The following GRIK3 variants were observed in gnomAD, a reference collection of about 807,000 sequenced individuals.
GRIK3 encodes glutamate ionotropic receptor kainate type subunit 3, also known as glutamate receptor ionotropic, kainate 3.
Under a neutral mutation model 102.5 loss-of-function variants are expected in GRIK3, and 29 were observed. That is an observed-to-expected ratio of 0.28 (90% CI 0.21 to 0.39). The LOEUF (loss-of-function observed/expected upper bound fraction) is 0.39, where lower values mean the gene tolerates loss of function less well. Among genes scored for constraint, GRIK3 ranks in the 10% least tolerant of loss-of-function variants. The pLI is 1.00. For missense variants in GRIK3, 908 were observed against 1,252.4 expected (o/e 0.73, Z 4.15); for synonymous variants, 511 against 504.9 (o/e 1.01, Z -0.16).
intron 13 of GRIK3, among the ~76,000 whole-genome samples, chr1:36,807,075 G>A (rs1642509707): frequency 6.6e-6 from 1 of 152,142 alleles, no homozygotes; most frequent in East Asian, 1.9e-4. Flanking sequence ...AAAAGTAAGG[G>A]CAGTCAGGGT....
At chr1:37,005,911 G>A (rs1286128687) in intron 1 of GRIK3, among the ~76,000 whole-genome samples, 3 of 152,128 alleles carry the variant, frequency 2.0e-5, no homozygotes, top group Non-Finnish European at 2.9e-5. Context: ...TGAGAAGGCT[G>A]GACTTCATCT....
chr1:36,901,717 C>T (rs1431865899), intron 1 of GRIK3, among the ~76,000 whole-genome samples: 1 of 152,048 alleles, frequency 6.6e-6, no homozygotes, highest in Non-Finnish European at 1.5e-5. Context: ...GAAGTCCTAG[C>T]AAATGCAATA....
chr1:36,950,006 C>A (rs1185645082), intron 1 of GRIK3, among the ~76,000 whole-genome samples: 1 of 152,212 alleles, frequency 6.6e-6, no homozygotes, highest in African/African-American at 2.4e-5. Flanking sequence ...TCCAGGCCAC[C>A]TGGCTCTAGA....
At chr1:36,890,787 C>T (rs1641104218) in intron 2 of GRIK3, 133 bp downstream of exon 2, 3 of 628,436 alleles carry the variant, frequency 4.8e-6, no homozygotes, top group Non-Finnish European at 7.9e-6. Context: ...AGTCTGGCTC[C>T]AAGCCCAAAC....
rs1261895716 is a variant in GRIK3, at chr1:36,819,704, T to C, written c.1873+32A>G. Reference sequence around the variant, plus strand: ...AAGACCGCTTGGGGAAAGCAGACCCTGGAAGGGGAGGCCCTGGGAGAGGGT... The same window carrying C: ...AAGACCGCTTGGGGAAAGCAGACCCCGGAAGGGGAGGCCCTGGGAGAGGGT... On this transcript the variant is annotated intron_variant, in intron 12 of 15. Coordinates refer to ENST00000373091, the MANE Select transcript of GRIK3 (RefSeq NM_000831.4). The surrounding 1 kb of genome is among the most constrained non-coding windows in gnomAD (Gnocchi z 4.1). 1.7e-6 allele frequency: 2 copies of C among 1,147,908 alleles called. No individual in the cohort carries two copies. The highest frequency in any genetic ancestry group is 1.9e-4 in the Middle Eastern group (1 of 5,168). 71.1% of individuals were successfully genotyped at this position (1,147,908 alleles called of 1,614,324 possible).
chr1:36,911,004 G>A (rs1441167721), intron 1 of GRIK3, among the ~76,000 whole-genome samples: 1 of 152,168 alleles, frequency 6.6e-6, no homozygotes, highest in Non-Finnish European at 1.5e-5. Flanking sequence ...GTCTTCATGG[G>A]GGAGGCAGCA....
intron 10 of GRIK3, among the ~76,000 whole-genome samples, chr1:36,838,962 C>T (rs1304655021): frequency 6.6e-6 from 1 of 152,140 alleles, no homozygotes; most frequent in Non-Finnish European, 1.5e-5. Context: ...CCCAAAGCAC[C>T]GCCTGGCTGC....
chr1:36,817,687 C>G (rs1253075518), intron 12 of GRIK3, among the ~76,000 whole-genome samples: 1 of 152,184 alleles, frequency 6.6e-6, no homozygotes, highest in Non-Finnish European at 1.5e-5. Flanking sequence ...ACCTGGGAGT[C>G]AGGACCCTTG....
intron 11 of GRIK3, among the ~76,000 whole-genome samples, chr1:36,824,126 C>G (rs1304659544): frequency 1.3e-5 from 2 of 152,104 alleles, no homozygotes; most frequent in African/African-American, 4.8e-5. Flanking sequence ...AGTCTCCCAG[C>G]CTAACCTTGG....
At chr1:36,845,694 C>T (rs1421790006) in intron 9 of GRIK3, among the ~76,000 whole-genome samples, 1 of 152,174 alleles carries the variant, frequency 6.6e-6, no homozygotes, top group Non-Finnish European at 1.5e-5. Context: ...TCTGCCTAGC[C>T]CTTCTCAGAC....
intron 1 of GRIK3, among the ~76,000 whole-genome samples, chr1:36,997,643 G>A (rs1244918990): frequency 2.0e-5 from 3 of 152,164 alleles, no homozygotes; most frequent in Non-Finnish European, 4.4e-5. Flanking sequence ...GGAAAGTGAG[G>A]GTGGCCAGGC....
rs1259533450 is a variant in GRIK3, at chr1:37,034,242, G to A, written c.-134C>T. On this transcript the variant is annotated 5_prime_UTR_variant, in exon 1 of 16. Transcript: ENST00000373091. Reference sequence around the variant, plus strand: ...GCCCGGCTCCCGAGCGCCGCTGCAAGTGGGGGGCGCCCCGCGGCGCCGCGC... The same window carrying A: ...GCCCGGCTCCCGAGCGCCGCTGCAAATGGGGGGCGCCCCGCGGCGCCGCGC... 6.1e-6 allele frequency: 1 copy of A among 162,836 alleles called. No homozygotes were observed. Among genetic ancestry groups the A allele is most frequent in the Non-Finnish European group, 1.3e-5 (1 of 76,556 alleles). The allele number at this position is 162,836 out of a possible 1,614,324, so 10.1% of individuals were successfully genotyped here.
At chr1:37,022,704 G>A (rs1461029833) in intron 1 of GRIK3, among the ~76,000 whole-genome samples, 1 of 152,176 alleles carries the variant, frequency 6.6e-6, no homozygotes, top group Non-Finnish European at 1.5e-5. Context: ...AAAAAGTGTT[G>A]AGCTGCATGC....
At chr1:36,879,229 C>G (rs948638450) in intron 3 of GRIK3, among the ~76,000 whole-genome samples, 2 of 152,146 alleles carry the variant, frequency 1.3e-5, no homozygotes, top group Admixed American at 6.5e-5. Flanking sequence ...TGTGGTGACT[C>G]ACACCTGTAA....
rs145048195 is a variant in GRIK3, at chr1:37,013,804, T to C, written c.115+20190A>G. On this transcript the variant is annotated intron_variant, in intron 1 of 15. Coordinates refer to ENST00000373091, the MANE Select transcript of GRIK3 (RefSeq NM_000831.4). ...GAAAGGGCCAAATATATCAAGGGTC[T>C]ACAGTGTGAGGCTGGCCTGTGCCTC... Among the ~76,000 whole-genome samples, 751 of 152,306 alleles carry C rather than the reference T, an allele frequency of 4.9e-3. 7 individuals are homozygous for C. The highest frequency in any genetic ancestry group is 0.017 in the African/African-American group (725 of 41,552).
intron 1 of GRIK3, among the ~76,000 whole-genome samples, chr1:36,950,113 C>T (rs138449408): frequency 3.3e-5 from 5 of 152,262 alleles, no homozygotes; most frequent in African/African-American, 9.6e-5. Context: ...AATACACATA[C>T]ACATGATCTC....
rs867455113 is a variant in GRIK3, at chr1:36,898,338, C to A, written c.116-7242G>T. On this transcript the variant is annotated intron_variant, in intron 1 of 15. Transcript: ENST00000373091. ...CTTGAGGGGATGGCTACCTCATTTC[C>A]CATGATGTGATTATTACATATTGCA... is the stretch of plus-strand genomic sequence containing the variant. Among the ~76,000 whole-genome samples, 8 of 151,944 alleles carry A rather than the reference C, an allele frequency of 5.3e-5. No homozygotes were observed. In the South Asian group the frequency reaches 1.0e-3, roughly 20 times the overall value.
intron 11 of GRIK3, among the ~76,000 whole-genome samples, chr1:36,820,198 A>G (rs987736115): frequency 6.6e-6 from 1 of 152,208 alleles, no homozygotes; most frequent in African/African-American, 2.4e-5. Context: ...TTGCAAAAAA[A>G]ACCTGGAAAC....
intron 1 of GRIK3, among the ~76,000 whole-genome samples, chr1:36,950,207 G>A (rs2124334302): frequency 6.6e-6 from 1 of 152,296 alleles, no homozygotes; most frequent in South Asian, 2.1e-4. Flanking sequence ...TGGAAAAGAA[G>A]TGGCTTGCCA....
Sources: allele counts gnomAD v4.1 joint callset (sites outside exome capture counted in the v4.1 genomes callset), GRCh38; gene constraint gnomAD v4.1.1; non-coding constraint Gnocchi (gnomAD v3.1); transcripts MANE v1.5; gene names NCBI Gene and HGNC (gene_info 2026-07-23, HGNC 2026-07-21).